NEBL: variants seen among roughly 807,000 people sequenced by gnomAD.
NEBL encodes the protein nebulette, also known as LIM and SH3 protein 2.
NEBL carries 122 observed loss-of-function variants against 140.2 expected under a neutral mutation model. The observed-to-expected ratio is 0.87, with a 90% CI of 0.75 to 1.01. NEBL has a LOEUF of 1.01. Ranked by LOEUF, NEBL falls within the 50% of genes least tolerant of loss-of-function variation. NEBL has a pLI of 0.00. For synonymous variants in NEBL, 436 were observed against 398.9 expected (o/e 1.09, Z -1.11); for missense variants, 1,365 against 1,231.3 (o/e 1.11, Z -1.62).
Position 21,036,805 on chromosome 10 carries a change from G to T in NEBL, c.165-16604C>A, listed in dbSNP as rs1589160371. Among the ~76,000 whole-genome samples, 4 of 152,086 alleles carry T rather than the reference G, an allele frequency of 2.6e-5. No individual in the cohort carries two copies. In the East Asian group the frequency reaches 7.8e-4, roughly 29 times the overall value. On this transcript the variant is annotated intron_variant, in intron 2 of 6. Transcript: ENST00000417816. ...GAGCATGGACATACCCTGTCTTGAG[G>T]CCAGAGATGAGGAATATTAGGCCTG...
chr10:21,213,163 T>C (rs1298265453), intron 3 of NEBL, among the ~76,000 whole-genome samples: 1 of 152,230 alleles, frequency 6.6e-6, no homozygotes, highest in African/African-American at 2.4e-5. Flanking sequence ...TAGTTTATTA[T>C]GCCATTTCTG....
chr10:20,908,370 T>C (rs1337581938), intron 4 of NEBL, among the ~76,000 whole-genome samples: 1 of 152,204 alleles, frequency 6.6e-6, no homozygotes, highest in Non-Finnish European at 1.5e-5. Context: ...GAATTGTCAT[T>C]ACGGATGCTT....
intron 4 of NEBL, among the ~76,000 whole-genome samples, chr10:20,930,548 C>A (rs1273989337): frequency 6.6e-6 from 1 of 152,192 alleles, no homozygotes; most frequent in Non-Finnish European, 1.5e-5. Context: ...AAAATCCTAG[C>A]TCTACCATGG....
intron 2 of NEBL, among the ~76,000 whole-genome samples, chr10:21,026,836 C>T (rs988760380): frequency 2.3e-4 from 35 of 152,276 alleles, no homozygotes; most frequent in Non-Finnish European, 5.0e-4. Context: ...CCATCATTAA[C>T]CACCAAGAGT....
At chr10:20,933,157 T>A (rs959262138) in intron 4 of NEBL, among the ~76,000 whole-genome samples, 10 of 152,182 alleles carry the variant, frequency 6.6e-5, no homozygotes, top group African/African-American at 2.4e-5. Flanking sequence ...CAGCAATGAT[T>A]TGAAGCCTTT....
intron 3 of NEBL, among the ~76,000 whole-genome samples, chr10:21,208,520 T>G (rs1428771839): frequency 1.3e-5 from 2 of 152,176 alleles, no homozygotes; most frequent in Admixed American, 6.5e-5. Context: ...CTAATTAATT[T>G]TATAAAGTTT....
intron 3 of NEBL, among the ~76,000 whole-genome samples, chr10:20,992,436 C>A (rs995476341): frequency 8.5e-5 from 13 of 152,182 alleles, no homozygotes; most frequent in African/African-American, 3.1e-4. Flanking sequence ...CATGGGGAAG[C>A]AGGCACCATG....
chr10:21,241,865 T>A (rs188036763), intron 3 of NEBL, among the ~76,000 whole-genome samples: 114 of 152,350 alleles, frequency 7.5e-4, no homozygotes, highest in Non-Finnish European at 1.3e-3. Flanking sequence ...CATTTCTGTC[T>A]TAGTACATCT....
At chr10:20,792,638 C>T (rs1836111878) in intron 26 of NEBL, among the ~76,000 whole-genome samples, 1 of 151,956 alleles carries the variant, frequency 6.6e-6, no homozygotes, top group African/African-American at 2.4e-5. Flanking sequence ...CCCAACTCTA[C>T]TAAAATTACA....
At chr10:21,265,912 CT>C (rs1282016860) in intron 1 of NEBL, among the ~76,000 whole-genome samples, 3 of 152,160 alleles carry the variant, frequency 2.0e-5, no homozygotes, top group Non-Finnish European at 4.4e-5. Flanking sequence ...TTGCTGAGCC[CT>C]TGTGTAGAAC....
At chr10:20,936,743 A>C (rs1414285350) in intron 4 of NEBL, among the ~76,000 whole-genome samples, 2 of 152,216 alleles carry the variant, frequency 1.3e-5, no homozygotes, top group Non-Finnish European at 2.9e-5. Flanking sequence ...ATTATAGTTT[A>C]ATTTCTGCCT....
intron 14 of NEBL, among the ~76,000 whole-genome samples, chr10:20,833,202 G>C (rs1009147132): frequency 1.3e-5 from 2 of 152,168 alleles, no homozygotes; most frequent in Non-Finnish European, 2.9e-5. Context: ...TACATTCCAA[G>C]AGGGCAAACC....
At chr10:21,121,179 C>T (rs1838556054) in intron 2 of NEBL, among the ~76,000 whole-genome samples, 1 of 152,114 alleles carries the variant, frequency 6.6e-6, no homozygotes, top group African/African-American at 2.4e-5. Flanking sequence ...TCTCAAATGG[C>T]TTCAGTTCAA....
chr10:21,272,320 C>T (rs1423790273), intron 1 of NEBL, among the ~76,000 whole-genome samples: 2 of 151,984 alleles, frequency 1.3e-5, no homozygotes, highest in Middle Eastern at 3.2e-3. Context: ...TGTAGTGGCT[C>T]ACACCTTTAA....
At chr10:20,882,522 C>A (rs1360296463) in intron 4 of NEBL, among the ~76,000 whole-genome samples, 1 of 152,104 alleles carries the variant, frequency 6.6e-6, no homozygotes, top group Admixed American at 6.5e-5. Context: ...ACCTTTTTAT[C>A]CTGTGCCTAA....
chr10:21,133,313 C>A (rs971157297), intron 2 of NEBL, among the ~76,000 whole-genome samples: 3 of 152,102 alleles, frequency 2.0e-5, no homozygotes, highest in African/African-American at 7.2e-5. Flanking sequence ...CTAGTTAAAT[C>A]ACGAAAGGGA....
rs375573531 is a variant in NEBL at position 21,262,884 on chromosome 10, G to C, written n.183-11056C>G. Reference sequence around the variant, plus strand: ...TGTAGACATTCTAAATAGCACGTTTGTAGACGATTACCCAGTCAGGAGATT... The same window carrying C: ...TGTAGACATTCTAAATAGCACGTTTCTAGACGATTACCCAGTCAGGAGATT... On this transcript the variant is annotated intron_variant and non_coding_transcript_variant, in intron 1 of 8. Coordinates refer to the NEBL transcript ENST00000675702. 5.3e-5 allele frequency among the ~76,000 whole-genome samples: 8 copies of C among 152,268 alleles called. No individual in the cohort carries two copies. In the East Asian group the frequency reaches 1.2e-3, roughly 22 times the overall value.
chr10:20,851,614 A>C (rs1382653461), intron 10 of NEBL, among the ~76,000 whole-genome samples: 25 of 149,570 alleles, frequency 1.7e-4, no homozygotes, highest in Admixed American at 2.0e-4. Flanking sequence ...TCTTTACTAA[A>C]AATACAAAAA....
At chr10:21,038,343 T>C (rs1289334090) in intron 2 of NEBL, among the ~76,000 whole-genome samples, 3 of 152,202 alleles carry the variant, frequency 2.0e-5, no homozygotes. Context: ...GTATTTCTCC[T>C]AATACTGTCT....
Sources: allele counts gnomAD v4.1 joint callset (sites outside exome capture counted in the v4.1 genomes callset), GRCh38; gene constraint gnomAD v4.1.1; transcripts MANE v1.5; gene names NCBI Gene and HGNC (gene_info 2026-07-23, HGNC 2026-07-21).